TET2: variants seen among roughly 807,000 people sequenced by gnomAD.
TET2 encodes methylcytosine dioxygenase TET2.
In TET2, 299 loss-of-function variants were observed where a neutral mutation model predicts 142.9. The ratio of observed to expected loss-of-function variants is 2.09; its 90% confidence interval spans 1.90 to 2.30. The LOEUF (loss-of-function observed/expected upper bound fraction) is 2.30, where lower values mean the gene tolerates loss of function less well. TET2 is among the 30% of genes most tolerant of loss of function. The probability of loss-of-function intolerance (pLI) is 0.00; values close to 1 mark genes in which losing one functional copy is unlikely to be tolerated. For synonymous variants in TET2, 819 were observed against 849.0 expected (o/e 0.96, Z 0.61); for missense variants, 2,418 against 2,378.0 (o/e 1.02, Z -0.35).
intron 2 of TET2, among the ~76,000 whole-genome samples, chr4:105,233,580 T>C (rs554597908): frequency 6.6e-6 from 1 of 152,196 alleles, no homozygotes; most frequent in East Asian, 1.9e-4. Flanking sequence ...TTTTAGCATT[T>C]TGGCAAAAAA....
At chr4:105,242,324 A>G in intron 4 of TET2, 1 of 1,077,844 alleles carries the variant, frequency 9.3e-7, no homozygotes, top group Non-Finnish European at 1.1e-6. Flanking sequence ...TGCTTTGGTC[A>G]TAAGGGAAGA....
At position 105,235,138 on chromosome 4, in the gene TET2, C is replaced by T. The variant is rs1560542667; in HGVS notation, c.1196C>T (p.Pro399Leu). ...TCCTTTTCTGCCACTACCACACCAC[C>T]ACCACCATCACAATTGCTTCTTTCT... Reference protein sequence around the residue: ...KDSFSATTTPPPPSQLLLSPP... With the variant: ...KDSFSATTTPLPPSQLLLSPP... Residue 399 changes from proline to leucine, a missense_variant, in exon 3 of 11, where the codon CCA becomes CTA. Transcript: ENST00000380013. The T allele has an allele frequency of 1.2e-6, 2 of 1,613,872 alleles. No homozygotes were observed. The highest frequency in any genetic ancestry group is 3.3e-5 in the Admixed American group (2 of 59,994).
chr4:105,212,365 A>G (rs925778024), intron 2 of TET2, among the ~76,000 whole-genome samples: 3 of 152,226 alleles, frequency 2.0e-5, no homozygotes, highest in African/African-American at 7.2e-5. Flanking sequence ...CCCAACTAAT[A>G]AAATAATAAG....
chr4:105,213,984 G>A (rs1041992394), intron 2 of TET2, among the ~76,000 whole-genome samples: 2 of 151,982 alleles, frequency 1.3e-5, no homozygotes, highest in African/African-American at 2.4e-5. Context: ...TCAGACTCCC[G>A]AGTAGCTGGG....
At chr4:105,259,490 C>A (rs2110284192) in intron 6 of TET2, 129 bp from the exon 7 acceptor site, 1 of 813,298 alleles carries the variant, frequency 1.2e-6, no homozygotes, top group Non-Finnish European at 1.8e-6. Flanking sequence ...TGTGGTTATG[C>A]CACAGCTTAA....
intron 2 of TET2, among the ~76,000 whole-genome samples, chr4:105,231,237 G>A (rs752750650): frequency 4.6e-5 from 7 of 152,108 alleles, no homozygotes; most frequent in Non-Finnish European, 8.8e-5. Context: ...GAACTTTGGA[G>A]TCAACTTCCT....
intron 1 of TET2, among the ~76,000 whole-genome samples, chr4:105,173,150 C>T (rs1724571423): frequency 6.6e-6 from 1 of 152,004 alleles, no homozygotes; most frequent in African/African-American, 2.4e-5. Flanking sequence ...AAAAGTTTAC[C>T]TATCCTTAGT....
intron 2 of TET2, among the ~76,000 whole-genome samples, chr4:105,211,155 A>G (rs76644731): frequency 0.037 from 5,658 of 152,244 alleles, 366 homozygotes; most frequent in African/African-American, 0.13. Context: ...TAGCTGAATC[A>G]TTCTTCCAGG....
intron 2 of TET2, among the ~76,000 whole-genome samples, chr4:105,215,985 C>T (rs1727469172): frequency 6.6e-6 from 1 of 152,076 alleles, no homozygotes; most frequent in Non-Finnish European, 1.5e-5. Flanking sequence ...ACTAAAGTAC[C>T]TTTTCTATTA....
intron 6 of TET2, among the ~76,000 whole-genome samples, chr4:105,252,983 T>C (rs555179917): frequency 4.6e-5 from 7 of 152,292 alleles, no homozygotes; most frequent in African/African-American, 7.2e-5. Context: ...TTCTGTTCCA[T>C]TGATATATTT....
intron 1 of TET2, among the ~76,000 whole-genome samples, chr4:105,186,554 C>A (rs1032117003): frequency 4.1e-5 from 6 of 145,750 alleles, no homozygotes; most frequent in Non-Finnish European, 8.9e-5. Flanking sequence ...CAGCTTATTG[C>A]AACCTCCGCC....
At chr4:105,229,758 A>G (rs1728396273) in intron 2 of TET2, among the ~76,000 whole-genome samples, 1 of 151,396 alleles carries the variant, frequency 6.6e-6, no homozygotes, top group Non-Finnish European at 1.5e-5. Context: ...AGTTCATTAT[A>G]TATTCTCCAG....
chr4:105,266,201 A>C (rs2110295191), intron 8 of TET2, among the ~76,000 whole-genome samples: 1 of 152,184 alleles, frequency 6.6e-6, no homozygotes, highest in East Asian at 1.9e-4. Context: ...CAGACGGAGA[A>C]GACTTCATAA....
At position 105,148,349 on chromosome 4, in the gene TET2, T is replaced by C. The variant is rs561649333; in HGVS notation, c.-193+1370T>C. 3.9e-4 allele frequency among the ~76,000 whole-genome samples: 59 copies of C among 152,338 alleles called. 3 individuals carry two copies. The highest frequency in any genetic ancestry group is 3.5e-3 in the South Asian group (17 of 4,830). On this transcript the variant is annotated intron_variant, in intron 1 of 10. Coordinates refer to ENST00000380013, the MANE Select transcript of TET2 (RefSeq NM_001127208.3). ...CTTATTTTCCAGCGGTAAAATTTAGTGCATAAAATTTAGTGAAATATTTAT... is the reference window on the plus strand; with the variant it reads ...CTTATTTTCCAGCGGTAAAATTTAGCGCATAAAATTTAGTGAAATATTTAT...
upstream of TET2, chr4:105,146,029 G>A (rs1723002078): frequency 6.6e-6 from 1 of 152,482 alleles, no homozygotes; most frequent in Admixed American, 6.5e-5. Context: ...GACAGAAAAG[G>A]GAAAGGAGAG....
At chr4:105,243,502 T>C in intron 5 of TET2, 68 bp from the exon 6 acceptor site, 1 of 1,409,934 alleles carries the variant, frequency 7.1e-7, no homozygotes. Context: ...CCTTATCTGC[T>C]GCAAGTGACC....
At position 105,231,809 on chromosome 4, in the gene TET2, T is replaced by C. The variant is rs115341486; in HGVS notation, c.-46-2088T>C. Among the ~76,000 whole-genome samples, 314 of 152,322 alleles carry C rather than the reference T, an allele frequency of 2.1e-3. 2 individuals carry two copies. The highest frequency in any genetic ancestry group is 7.1e-3 in the African/African-American group (297 of 41,576). On this transcript the variant is annotated intron_variant, in intron 2 of 10. Coordinates refer to ENST00000380013, the MANE Select transcript of TET2 (RefSeq NM_001127208.3). ...GACACCTTATACAATGGATTAATTT[T>C]TTTAGTGCCATTTCTTCTGGCTTTC...
intron 2 of TET2, among the ~76,000 whole-genome samples, chr4:105,220,451 G>A (rs1364993733): frequency 6.6e-6 from 1 of 152,104 alleles, no homozygotes; most frequent in Non-Finnish European, 1.5e-5. Flanking sequence ...ACTCAAGCCT[G>A]AGTCAGTGTT....
intron 1 of TET2, among the ~76,000 whole-genome samples, chr4:105,166,618 AAG>A (rs1354770109): frequency 6.6e-6 from 1 of 151,512 alleles, no homozygotes; most frequent in Non-Finnish European, 1.5e-5. Flanking sequence ...CAGAAAAAAA[AAG>A]AAAAAAAAAC....
Sources: allele counts gnomAD v4.1 joint callset (sites outside exome capture counted in the v4.1 genomes callset), GRCh38; gene constraint gnomAD v4.1.1; transcripts MANE v1.5; gene names NCBI Gene and HGNC (gene_info 2026-07-23, HGNC 2026-07-21).